MARCHF1: variants seen among roughly 807,000 people sequenced by gnomAD.
MARCHF1 encodes E3 ubiquitin-protein ligase MARCHF1.
In MARCHF1, 40 loss-of-function variants were observed where a neutral mutation model predicts 54.2. That is an observed-to-expected ratio of 0.74 (90% CI 0.57 to 0.96). The LOEUF (loss-of-function observed/expected upper bound fraction) is 0.96. MARCHF1 is among the 40% of genes least tolerant of loss of function. MARCHF1 has a pLI of 0.00. For missense variants in MARCHF1, 586 were observed against 656.5 expected (o/e 0.89, Z 1.17); for synonymous variants, 236 against 236.3 (o/e 1.00, Z 0.01).
intron 8 of MARCHF1, among the ~76,000 whole-genome samples, chr4:163,580,266 G>C (rs2110799831): frequency 6.6e-6 from 1 of 152,046 alleles, no homozygotes; most frequent in Non-Finnish European, 1.5e-5. Flanking sequence ...TTTTAGTAAA[G>C]ATGGGGTTTC....
At chr4:164,381,163 T>A (rs1446868585) in intron 1 of MARCHF1, among the ~76,000 whole-genome samples, 2 of 152,354 alleles carry the variant, frequency 1.3e-5, no homozygotes, top group South Asian at 4.1e-4. Context: ...GCTATGGCTT[T>A]ATTTTTGCCC....
chr4:164,131,090 T>C (rs1030666715), intron 1 of MARCHF1, among the ~76,000 whole-genome samples: 2 of 152,096 alleles, frequency 1.3e-5, no homozygotes, highest in Admixed American at 1.3e-4. Context: ...GTATGTAACG[T>C]ATATATCCTA....
At chr4:163,886,339 AG>A (rs1448445098) in intron 3 of MARCHF1, among the ~76,000 whole-genome samples, 67 of 150,346 alleles carry the variant, frequency 4.5e-4, no homozygotes, top group Non-Finnish European at 7.4e-4. Context: ...ATAGATAGAT[AG>A]ATAGATAGAT....
intron 1 of MARCHF1, among the ~76,000 whole-genome samples, chr4:164,151,056 G>T (rs1729922015): frequency 6.6e-6 from 1 of 152,160 alleles, no homozygotes; most frequent in African/African-American, 2.4e-5. Flanking sequence ...AACTGGAAAA[G>T]GAAAGGAGAT....
intron 4 of MARCHF1, among the ~76,000 whole-genome samples, chr4:163,730,719 C>G (rs1046737453): frequency 5.3e-5 from 8 of 152,026 alleles, no homozygotes; most frequent in Non-Finnish European, 1.2e-4. Flanking sequence ...TGTTCATGAT[C>G]AGCCTGAAGA....
chr4:163,836,406 C>T (rs1291947373), intron 4 of MARCHF1, among the ~76,000 whole-genome samples: 11 of 148,372 alleles, frequency 7.4e-5, no homozygotes, highest in Non-Finnish European at 1.6e-4. Context: ...CCACCACGCC[C>T]GGCTAATTTT....
chr4:163,805,980 A>G (rs1234957979), intron 4 of MARCHF1, among the ~76,000 whole-genome samples: 1 of 152,138 alleles, frequency 6.6e-6, no homozygotes, highest in Non-Finnish European at 1.5e-5. Flanking sequence ...CATTCTATCC[A>G]CTATCTCAGG....
chr4:164,258,739 AAAG>A (rs1733366431), intron 1 of MARCHF1, among the ~76,000 whole-genome samples: 2 of 152,260 alleles, frequency 1.3e-5, no homozygotes, highest in African/African-American at 4.8e-5. Context: ...ATATGTATTC[AAAG>A]AATATTTGAA....
chr4:164,190,002 G>A (rs551031705), intron 1 of MARCHF1: 1 of 1,458,818 alleles, frequency 6.9e-7, no homozygotes, highest in East Asian at 2.3e-5. Context: ...GATGGTTAAT[G>A]ATGCTGAGAA....
chr4:164,266,630 T>C (rs1429453929), intron 1 of MARCHF1, among the ~76,000 whole-genome samples: 26 of 152,164 alleles, frequency 1.7e-4, no homozygotes, highest in Non-Finnish European at 1.5e-5. Context: ...GAATTAAATA[T>C]TTATTTTCTT....
intron 1 of MARCHF1, among the ~76,000 whole-genome samples, chr4:164,233,344 T>C (rs1732466566): frequency 6.6e-6 from 1 of 152,144 alleles, no homozygotes; most frequent in Non-Finnish European, 1.5e-5. Context: ...CCCAATGACA[T>C]CATTGTTTTG....
intron 1 of MARCHF1, among the ~76,000 whole-genome samples, chr4:164,150,312 C>G (rs1462398939): frequency 2.0e-5 from 3 of 152,108 alleles, no homozygotes; most frequent in Non-Finnish European, 4.4e-5. Flanking sequence ...AAGTAAAGCA[C>G]TAATTTCAAG....
intron 1 of MARCHF1, among the ~76,000 whole-genome samples, chr4:164,146,933 G>C (rs1476158954): frequency 6.7e-6 from 1 of 149,466 alleles, no homozygotes; most frequent in Non-Finnish European, 1.5e-5. Context: ...CTCTGACAAA[G>C]GGCTAATATC....
At chr4:163,823,396 A>T (rs965511030) in intron 4 of MARCHF1, among the ~76,000 whole-genome samples, 9 of 151,850 alleles carry the variant, frequency 5.9e-5, no homozygotes, top group Admixed American at 2.0e-4. Context: ...ACTTTGCCCA[A>T]ATCAAACCTA....
At chr4:164,056,150 G>T (rs78857998) in intron 2 of MARCHF1, among the ~76,000 whole-genome samples, 4 of 152,030 alleles carry the variant, frequency 2.6e-5, no homozygotes, top group African/African-American at 9.7e-5. Context: ...GTGCAATGAT[G>T]CGCTGGCTCT....
At chr4:164,042,611 CT>C (rs762624614) in intron 2 of MARCHF1, among the ~76,000 whole-genome samples, 197 of 152,254 alleles carry the variant, frequency 1.3e-3, no homozygotes, top group Non-Finnish European at 2.3e-3. Flanking sequence ...TATTCTACCC[CT>C]GAGCCTTCCA....
intron 1 of MARCHF1, among the ~76,000 whole-genome samples, chr4:164,332,177 A>C (rs781047892): frequency 1.1e-4 from 16 of 152,200 alleles, no homozygotes; most frequent in Non-Finnish European, 1.8e-4. Flanking sequence ...TGCCTCCGTC[A>C]GGTCTTTTTT....
At chr4:164,041,920 G>GA (rs1377580943) in intron 2 of MARCHF1, among the ~76,000 whole-genome samples, 2 of 151,868 alleles carry the variant, frequency 1.3e-5, no homozygotes, top group African/African-American at 2.4e-5. Flanking sequence ...TATTTTAGGG[G>GA]AAAAAATGAT....
At chr4:164,188,862 G>A (rs1731047931) in intron 1 of MARCHF1, 3 of 781,002 alleles carry the variant, frequency 3.8e-6, no homozygotes, top group Non-Finnish European at 7.1e-6. Context: ...GCTTATTTGA[G>A]AAAGAAGTTT....
Sources: gnomAD v4.1 joint callset for allele counts (sites outside exome capture counted in the v4.1 genomes callset) on GRCh38, gnomAD v4.1.1 for gene constraint, MANE v1.5 for transcripts, NCBI Gene and HGNC (gene_info 2026-07-23, HGNC 2026-07-21) for gene names.